CACNA1E: variants seen among roughly 807,000 people sequenced by gnomAD.
CACNA1E encodes the protein calcium voltage-gated channel subunit alpha1 E, also known as voltage-dependent R-type calcium channel subunit alpha-1E.
In CACNA1E, 40 loss-of-function variants were observed where a neutral mutation model predicts 259.2. The ratio of observed to expected loss-of-function variants is 0.15; its 90% confidence interval spans 0.12 to 0.20. The LOEUF (loss-of-function observed/expected upper bound fraction) is 0.20. CACNA1E is among the 10% of genes least tolerant of loss of function. The pLI is 1.00. For missense variants in CACNA1E, 1,874 were observed against 3,040.1 expected (o/e 0.62, Z 9.02); for synonymous variants, 1,104 against 1,138.5 (o/e 0.97, Z 0.61).
intron 7 of CACNA1E, among the ~76,000 whole-genome samples, chr1:181,701,925 A>T (rs971245680): frequency 2.6e-5 from 4 of 152,154 alleles, no homozygotes; most frequent in Non-Finnish European, 5.9e-5. Context: ...TTACTGAATT[A>T]TCAGTTAACA....
At chr1:181,682,161 A>G (rs1267184481) in intron 7 of CACNA1E, among the ~76,000 whole-genome samples, 1 of 152,258 alleles carries the variant, frequency 6.6e-6, no homozygotes, top group Non-Finnish European at 1.5e-5. Flanking sequence ...CATAGTGGGT[A>G]TAGACCCTTG....
chr1:181,638,279 A>G (rs73059745), intron 6 of CACNA1E, among the ~76,000 whole-genome samples: 4,493 of 152,268 alleles, frequency 0.03, 194 homozygotes, highest in African/African-American at 0.099. Flanking sequence ...AAGTTAGGGT[A>G]TAGATATCAA....
At chr1:181,609,299 G>T (rs12141531) in intron 6 of CACNA1E, among the ~76,000 whole-genome samples, 1 of 152,212 alleles carries the variant, frequency 6.6e-6, no homozygotes, top group African/African-American at 2.4e-5. Context: ...GCGGGCCCTA[G>T]ACAAAGAATG....
chr1:181,630,859 A>G (rs765452186), intron 6 of CACNA1E, among the ~76,000 whole-genome samples: 4 of 152,146 alleles, frequency 2.6e-5, no homozygotes, highest in Non-Finnish European at 4.4e-5. Context: ...GAGTAAGTCT[A>G]TTCTCAGCCA....
intron 28 of CACNA1E, 111 bp from the exon 29 acceptor site, chr1:181,755,845 G>A (rs1267959467): frequency 2.7e-6 from 3 of 1,131,772 alleles, no homozygotes; most frequent in East Asian, 2.4e-5. Context: ...CCTTACACAT[G>A]TATGGTGATC....
At chr1:181,333,800 C>CTACTTAGGAGTGGG (rs1651473470) in intron 1 of CACNA1E, among the ~76,000 whole-genome samples, 1 of 152,130 alleles carries the variant, frequency 6.6e-6, no homozygotes, top group Non-Finnish European at 1.5e-5. Flanking sequence ...GGATTACAGG[C>CTACTTAGGAGTGGG]ATGTACCACC....
At chr1:181,750,568 G>A (rs1657505961) in intron 26 of CACNA1E, 81 bp downstream of exon 26, 2 of 1,323,420 alleles carry the variant, frequency 1.5e-6, no homozygotes, top group Admixed American at 3.4e-5. Context: ...GGGAGGGGAG[G>A]GGCTCACGCA....
At chr1:181,634,371 C>T (rs771602940) in intron 6 of CACNA1E, among the ~76,000 whole-genome samples, 2 of 152,148 alleles carry the variant, frequency 1.3e-5, no homozygotes, top group Non-Finnish European at 2.9e-5. Flanking sequence ...ATTGATTCAG[C>T]GTTTTGTCAT....
chr1:181,786,213 G>A (rs1660832815), intron 43 of CACNA1E, among the ~76,000 whole-genome samples: 1 of 152,218 alleles, frequency 6.6e-6, no homozygotes, highest in Admixed American at 6.5e-5. Context: ...TGCTGGCTGA[G>A]TGTAAGAGGG....
At chr1:181,526,959 T>C (rs6657020) in intron 3 of CACNA1E, among the ~76,000 whole-genome samples, 13,446 of 152,198 alleles carry the variant, frequency 0.088, 1,983 homozygotes, top group African/African-American at 0.31. Flanking sequence ...AATGAACAAA[T>C]ATATTCTCTG....
At chr1:181,542,019 G>A (rs1273451255) in intron 3 of CACNA1E, among the ~76,000 whole-genome samples, 1 of 152,144 alleles carries the variant, frequency 6.6e-6, no homozygotes, top group African/African-American at 2.4e-5. Flanking sequence ...CTTGCTTGGT[G>A]GGGAAGCAGG....
chr1:181,631,855 T>G (rs1656777800), intron 6 of CACNA1E, among the ~76,000 whole-genome samples: 1 of 152,198 alleles, frequency 6.6e-6, no homozygotes, highest in Non-Finnish European at 1.5e-5. Context: ...GGGAGACACA[T>G]GATCCACATG....
chr1:181,572,937 G>T (rs1030570493), intron 3 of CACNA1E, among the ~76,000 whole-genome samples: 4 of 152,088 alleles, frequency 2.6e-5, no homozygotes, highest in African/African-American at 9.7e-5. Context: ...GTTTGGGGAT[G>T]AAAACTAAAA....
intron 1 of CACNA1E, among the ~76,000 whole-genome samples, chr1:181,510,048 A>G (rs905198121): frequency 6.6e-6 from 1 of 152,212 alleles, no homozygotes; most frequent in Non-Finnish European, 1.5e-5. Context: ...GTGCACAAGC[A>G]TCGTTACCCA....
intron 3 of CACNA1E, among the ~76,000 whole-genome samples, chr1:181,547,150 C>G (rs1451325893): frequency 2.0e-5 from 3 of 152,166 alleles, no homozygotes; most frequent in African/African-American, 7.2e-5. Context: ...TTTCCCATTG[C>G]CCCCTCTGCC....
At chr1:181,405,471 G>A (rs767151380) in intron 1 of CACNA1E, among the ~76,000 whole-genome samples, 2 of 152,144 alleles carry the variant, frequency 1.3e-5, no homozygotes, top group African/African-American at 4.8e-5. Context: ...AGTCCAAGGG[G>A]TTGTAGCATT....
intron 7 of CACNA1E, among the ~76,000 whole-genome samples, chr1:181,705,140 T>C (rs2102397471): frequency 6.6e-6 from 1 of 152,360 alleles, no homozygotes; most frequent in Non-Finnish European, 1.5e-5. Flanking sequence ...GATTTGTCTG[T>C]AGCAGTGGCT....
At chr1:181,412,944 C>T (rs1197752403) in intron 1 of CACNA1E, among the ~76,000 whole-genome samples, 2 of 152,340 alleles carry the variant, frequency 1.3e-5, no homozygotes, top group Admixed American at 1.3e-4. Flanking sequence ...CATCATTTAT[C>T]GAGCTCCACT....
intron 45 of CACNA1E, among the ~76,000 whole-genome samples, chr1:181,794,336 G>A (rs979991934): frequency 6.6e-5 from 10 of 152,292 alleles, no homozygotes; most frequent in African/African-American, 2.2e-4. Flanking sequence ...GGGCTAGGTG[G>A]GATTGATGGC....
Sources: allele counts gnomAD v4.1 joint callset (sites outside exome capture counted in the v4.1 genomes callset), GRCh38; gene constraint gnomAD v4.1.1; transcripts MANE v1.5; gene names NCBI Gene and HGNC (gene_info 2026-07-23, HGNC 2026-07-21).